Variants in TPO observed in about 807,000 individuals in gnomAD.
TPO encodes the protein thyroid microsomal antigen.
A neutral mutation model predicts 96.9 loss-of-function variants in TPO; 78 were observed. The ratio of observed to expected loss-of-function variants is 0.81; its 90% CI spans 0.67 to 0.97. TPO has a LOEUF of 0.97. TPO is among the 50% of genes least tolerant of loss of function. The probability of loss-of-function intolerance (pLI) is 0.00; values close to 1 mark genes in which losing one functional copy is unlikely to be tolerated. For synonymous variants in TPO, 547 were observed against 538.0 expected, an observed-to-expected ratio of 1.02 and a Z score of -0.23; for missense variants, 1,252 against 1,274.8, an observed-to-expected ratio of 0.98 and a Z score of 0.27.
At chr2:1,529,477 C>G in intron 15 of TPO, among the ~76,000 whole-genome samples, 1 of 110,432 alleles carries the variant, frequency 9.1e-6, no homozygotes, top group Non-Finnish European at 1.8e-5. Context: ...CATATCCCCC[C>G]ACTGTGAGCA....
In TPO at chr2:1,385,326, A is replaced by C. The variant is rs556062278; in HGVS notation, n.180+10924A>C. Among the ~76,000 whole-genome samples the C allele has an allele frequency of 1.7e-4, 26 of 152,284 alleles. 1 individual carries two copies. The South Asian group carries it at 5.4e-3, about 32-fold the overall frequency. ...TACCTCTGGTAGAATTTGGCTGTGA[A>C]TCTGTCCAGTCCTGGACTTTTTTTG... On this transcript the variant is annotated intron_variant and non_coding_transcript_variant, in intron 1 of 5. Coordinates refer to the TPO transcript ENST00000497517.
rs764708204 is a variant in TPO at position 1,423,136 on chromosome 2, C to T, written c.179+7C>T. 6.2e-6 allele frequency: 10 copies of T among 1,613,316 alleles called. No homozygotes were observed. In the South Asian group the frequency reaches 1.1e-4, roughly 18 times the overall value. ...TGTACGCCACGATGCAGAGGTGAGC[C>T]TTGCGGAGGGGCCGCCGCCCCAAAT... is the stretch of plus-strand genomic sequence containing the variant. On this transcript the variant is annotated splice_region_variant and intron_variant, in intron 3 of 16. Transcript: ENST00000329066.
chr2:1,434,846 G>T (rs1373803555), intron 4 of TPO, among the ~76,000 whole-genome samples: 2 of 152,208 alleles, frequency 1.3e-5, no homozygotes, highest in Admixed American at 1.3e-4. Flanking sequence ...CACCAAGACA[G>T]AATTCCATTA....
At chr2:1,498,975 C>T (rs1014210929) in intron 13 of TPO, among the ~76,000 whole-genome samples, 10 of 152,130 alleles carry the variant, frequency 6.6e-5, no homozygotes, top group African/African-American at 1.7e-4. Context: ...GCGTGTTCTA[C>T]GTTAACAAGC....
intron 1 of TPO, among the ~76,000 whole-genome samples, chr2:1,390,913 G>A (rs1661990128): frequency 6.6e-6 from 1 of 152,094 alleles, no homozygotes; most frequent in East Asian, 1.9e-4. Context: ...TGCATTCTTT[G>A]TAGATTCTGG....
At chr2:1,536,362 A>C (rs1302705997) in intron 15 of TPO, among the ~76,000 whole-genome samples, 2 of 484 alleles carry the variant, frequency 4.1e-3, no homozygotes, top group Non-Finnish European at 3.8e-3. Flanking sequence ...AATCCCCCCC[A>C]CTCTGTGCAA....
chr2:1,503,723 C>T (rs964674903), intron 13 of TPO: 2 of 768,610 alleles, frequency 2.6e-6, no homozygotes. Context: ...AGTGTGTGGA[C>T]TCCCTGCAGG....
intron 2 of TPO, among the ~76,000 whole-genome samples, chr2:1,417,126 C>CT (rs1663046784): frequency 6.6e-6 from 1 of 152,270 alleles, no homozygotes; most frequent in South Asian, 2.1e-4. Flanking sequence ...CATCCTCATA[C>CT]TTGAAGCTCG....
At chr2:1,517,114 A>C in intron 15 of TPO, 132 bp downstream of exon 15, 14 of 903,222 alleles carry the variant, frequency 1.6e-5, no homozygotes, top group Non-Finnish European at 2.1e-5. Flanking sequence ...CATTGATCTC[A>C]GAGCTATTTT....
intron 4 of TPO, among the ~76,000 whole-genome samples, chr2:1,434,320 A>G (rs1051418110): frequency 4.6e-5 from 7 of 152,184 alleles, no homozygotes; most frequent in South Asian, 2.1e-4. Flanking sequence ...TTGGCCTCTG[A>G]GTTCTTCCTT....
chr2:1,390,341 A>C (rs908203296), intron 1 of TPO, among the ~76,000 whole-genome samples: 2 of 152,238 alleles, frequency 1.3e-5, no homozygotes, highest in African/African-American at 4.8e-5. Context: ...TGCAAAGGAC[A>C]TGAACTCATC....
chr2:1,408,370 G>A (rs1242100980), intron 1 of TPO, among the ~76,000 whole-genome samples: 2 of 152,222 alleles, frequency 1.3e-5, no homozygotes, highest in African/African-American at 4.8e-5. Context: ...GCACTTCCCA[G>A]TTAATTGCAC....
intron 2 of TPO, among the ~76,000 whole-genome samples, chr2:1,419,315 C>T (rs538806147): frequency 2.0e-5 from 3 of 152,188 alleles, no homozygotes; most frequent in East Asian, 1.9e-4. Context: ...TTGCATCAGA[C>T]GCCTCTTCCC....
chr2:1,511,223 C>G (rs529774702), intron 14 of TPO, among the ~76,000 whole-genome samples: 84 of 148,676 alleles, frequency 5.6e-4, no homozygotes, highest in African/African-American at 2.0e-3. Flanking sequence ...GGGGGTGCCA[C>G]AGCAAAGCCC....
intron 5 of TPO, among the ~76,000 whole-genome samples, chr2:1,442,114 C>T (rs1391594199): frequency 3.3e-5 from 5 of 152,220 alleles, no homozygotes; most frequent in African/African-American, 1.2e-4. Context: ...CCTTGCCTTC[C>T]ACCATGATTG....
chr2:1,542,379 C>CA, intron 16 of TPO, 42 bp from the exon 17 acceptor site: 1 of 1,612,452 alleles, frequency 6.2e-7, no homozygotes, highest in Non-Finnish European at 8.5e-7. Flanking sequence ...CTGGAGCAGT[C>CA]AGAATTCAGA....
intron 1 of TPO, among the ~76,000 whole-genome samples, chr2:1,376,060 C>T (rs1661717931): frequency 6.6e-6 from 1 of 152,208 alleles, no homozygotes; most frequent in African/African-American, 2.4e-5. Context: ...GCACGTGCAT[C>T]GTGGTAATTC....
At chr2:1,495,929 G>C in intron 11 of TPO, 60 bp from the exon 12 acceptor site, 1 of 1,561,024 alleles carries the variant, frequency 6.4e-7, no homozygotes, top group East Asian at 2.3e-5. Flanking sequence ...CTGGTCTTGA[G>C]TGCCTGCCCT....
At chr2:1,535,730 T>A (rs1679488620) in intron 15 of TPO, among the ~76,000 whole-genome samples, 1 of 79,058 alleles carries the variant, frequency 1.3e-5, no homozygotes, top group Non-Finnish European at 2.5e-5. Context: ...ACCCAGTGTG[T>A]GCAACCTCCC....
Sources: allele counts gnomAD v4.1 joint callset (sites outside exome capture counted in the v4.1 genomes callset), GRCh38; gene constraint gnomAD v4.1.1; transcripts MANE v1.5; gene names NCBI Gene and HGNC (gene_info 2026-07-23, HGNC 2026-07-21).